Variants in NRG3 observed in about 807,000 individuals in gnomAD.
The protein encoded by NRG3 is neuregulin 3.
A neutral mutation model predicts 66.9 loss-of-function variants in NRG3; 31 were observed. The observed-to-expected ratio is 0.46, with a 90% CI of 0.35 to 0.63. NRG3 has a LOEUF of 0.63. Ranked by LOEUF, NRG3 falls within the 20% of genes least tolerant of loss-of-function variation. The probability of loss-of-function intolerance (pLI) is 0.00; values close to 1 mark genes in which losing one functional copy is unlikely to be tolerated. For synonymous variants in NRG3, 393 were observed against 359.4 expected (o/e 1.09, Z -1.06); for missense variants, 910 against 878.9 (o/e 1.04, Z -0.45).
At chr10:82,975,648 T>A (rs1852182254) in intron 7 of NRG3, among the ~76,000 whole-genome samples, 1 of 152,262 alleles carries the variant, frequency 6.6e-6, no homozygotes, top group Non-Finnish European at 1.5e-5. Context: ...TCATAGCTTT[T>A]GTTTTGTAAA....
intron 1 of NRG3, among the ~76,000 whole-genome samples, chr10:82,267,421 A>G (rs944611133): frequency 1.1e-4 from 17 of 152,168 alleles, no homozygotes; most frequent in Admixed American, 9.2e-4. Flanking sequence ...ATCCAGTGGC[A>G]GGTCTCAAGA....
chr10:81,998,994 G>T (rs1356098909), intron 1 of NRG3, among the ~76,000 whole-genome samples: 1 of 152,142 alleles, frequency 6.6e-6, no homozygotes, highest in Non-Finnish European at 1.5e-5. Flanking sequence ...ATAGAGATGG[G>T]GTTTCACCGT....
At chr10:82,690,069 T>C (rs1348567331) in intron 2 of NRG3, among the ~76,000 whole-genome samples, 1 of 152,180 alleles carries the variant, frequency 6.6e-6, no homozygotes, top group Non-Finnish European at 1.5e-5. Flanking sequence ...CAGACATAAC[T>C]CCACATAGCA....
intron 2 of NRG3, among the ~76,000 whole-genome samples, chr10:82,716,280 A>G (rs1178386804): frequency 6.6e-6 from 1 of 152,194 alleles, no homozygotes; most frequent in Non-Finnish European, 1.5e-5. Flanking sequence ...AAGCATATAC[A>G]TATGTATACA....
chr10:82,100,790 G>A lies in NRG3; in HGVS notation c.823+224627G>A, dbSNP rs189738620. ...TTTCTAATATTTTTTGTGCATTTTT[G>A]TGTCTGTGTTCAACAGGAATATTGG... On this transcript the variant is annotated intron_variant, in intron 1 of 8. Transcript: ENST00000372141. Among the ~76,000 whole-genome samples the A allele has an allele frequency of 5.6e-3, 852 of 151,956 alleles. 8 individuals carry two copies. Among genetic ancestry groups the A allele is most frequent in the African/African-American group, 0.02 (820 of 41,510 alleles).
At chr10:82,629,482 G>C (rs2049662701) in intron 2 of NRG3, among the ~76,000 whole-genome samples, 1 of 152,222 alleles carries the variant, frequency 6.6e-6, no homozygotes, top group African/African-American at 2.4e-5. Flanking sequence ...GCAGAGTGCT[G>C]TAGGTGTGTA....
intron 1 of NRG3, among the ~76,000 whole-genome samples, chr10:81,885,744 C>T (rs1313147009): frequency 1.3e-5 from 2 of 152,228 alleles, no homozygotes; most frequent in South Asian, 2.1e-4. Flanking sequence ...GTATTGTCAA[C>T]ATCCTGTAAG....
chr10:82,233,048 T>C lies in NRG3; in HGVS notation c.824-125691T>C, dbSNP rs569276599. The C allele has an allele frequency of 1.9e-4, 94 of 498,136 alleles. 1 individual carries two copies. Among genetic ancestry groups the C allele is most frequent in the African/African-American group, 1.6e-3 (84 of 52,056 alleles). The allele number at this position is 498,136 out of a possible 1,614,324, so 30.9% of individuals were successfully genotyped here. ...GCTCTGGGTTGGTTAGTTTGCGTGC[T>C]TCAGGCTGGTCCCTTTCCTATCTTA... On this transcript the variant is annotated intron_variant, in intron 1 of 8. Transcript: ENST00000372141.
chr10:82,736,447 C>T (rs1692467555), intron 2 of NRG3, among the ~76,000 whole-genome samples: 1 of 152,210 alleles, frequency 6.6e-6, no homozygotes, highest in Non-Finnish European at 1.5e-5. Context: ...AGCAGTGACT[C>T]GCCTCCTTAA....
intron 1 of NRG3, among the ~76,000 whole-genome samples, chr10:81,948,118 T>G (rs1282767322): frequency 6.6e-6 from 1 of 152,200 alleles, no homozygotes; most frequent in Non-Finnish European, 1.5e-5. Context: ...GCATTACATA[T>G]TCTTGTACTT....
chr10:82,954,138 C>G (rs1430892475), intron 5 of NRG3, among the ~76,000 whole-genome samples: 1 of 151,868 alleles, frequency 6.6e-6, no homozygotes, highest in Non-Finnish European at 1.5e-5. Flanking sequence ...TCACACCCAG[C>G]AGGGTGGTAG....
intron 2 of NRG3, among the ~76,000 whole-genome samples, chr10:82,727,748 T>C (rs1036821212): frequency 2.6e-5 from 4 of 152,090 alleles, no homozygotes; most frequent in African/African-American, 9.7e-5. Flanking sequence ...CCCAGAATGG[T>C]AGATCCACCA....
chr10:82,349,153 G>A (rs1343099494), intron 1 of NRG3, among the ~76,000 whole-genome samples: 14 of 151,502 alleles, frequency 9.2e-5, no homozygotes, highest in Admixed American at 2.6e-4. Flanking sequence ...GCTTTTTAGA[G>A]TTTCCAGTTT....
At chr10:81,876,680 A>T (rs1482473804) in intron 1 of NRG3, among the ~76,000 whole-genome samples, 1 of 152,212 alleles carries the variant, frequency 6.6e-6, no homozygotes, top group Non-Finnish European at 1.5e-5. Flanking sequence ...AGATAATGGT[A>T]GAATGTTGCT....
At chr10:82,939,234 G>GT (rs1848356183) in intron 4 of NRG3, among the ~76,000 whole-genome samples, 1 of 152,084 alleles carries the variant, frequency 6.6e-6, no homozygotes, top group Non-Finnish European at 1.5e-5. Context: ...TACAGGAAAG[G>GT]TTTATATTTG....
intron 2 of NRG3, among the ~76,000 whole-genome samples, chr10:82,736,019 A>G (rs1306488154): frequency 6.6e-6 from 1 of 152,238 alleles, no homozygotes; most frequent in East Asian, 1.9e-4. Flanking sequence ...GTACTTCTTA[A>G]TGTTATTAAC....
chr10:82,820,058 T>C (rs1245435123), intron 3 of NRG3, among the ~76,000 whole-genome samples: 2 of 152,136 alleles, frequency 1.3e-5, no homozygotes, highest in African/African-American at 2.4e-5. Flanking sequence ...ACTTACAGGA[T>C]GGTTTCCGAG....
At chr10:82,362,545 TGG>T (rs200236897) in intron 2 of NRG3, among the ~76,000 whole-genome samples, 14,287 of 80,058 alleles carry the variant, frequency 0.18, 1,455 homozygotes, top group East Asian at 0.39. Context: ...AGATAATTTC[TGG>T]GTTTTTTTTT....
At chr10:81,971,149 A>C (rs1321615679) in intron 1 of NRG3, among the ~76,000 whole-genome samples, 2 of 152,240 alleles carry the variant, frequency 1.3e-5, no homozygotes, top group Non-Finnish European at 2.9e-5. Flanking sequence ...CTAAAAAGAA[A>C]AAAAGAACAC....
Sources: allele counts gnomAD v4.1 joint callset (sites outside exome capture counted in the v4.1 genomes callset), GRCh38; gene constraint gnomAD v4.1.1; transcripts MANE v1.5; gene names NCBI Gene and HGNC (gene_info 2026-07-23, HGNC 2026-07-21).